The following FRMPD4 variants were observed in gnomAD, a reference collection of about 807,000 sequenced individuals.
The protein encoded by FRMPD4 is FERM and PDZ domain containing 4.
A neutral mutation model predicts 94.1 loss-of-function variants in FRMPD4; 22 were observed. That is an observed-to-expected ratio of 0.23 (90% confidence interval 0.17 to 0.33). FRMPD4 has a LOEUF of 0.33. FRMPD4 is among the 10% of genes least tolerant of loss of function. The probability of loss-of-function intolerance (pLI) is 1.00; values close to 1 mark genes in which losing one functional copy is unlikely to be tolerated. For missense variants in FRMPD4, 1,111 were observed against 1,339.9 expected (o/e 0.83, Z 2.67); for synonymous variants, 631 against 548.6 (o/e 1.15, Z -2.10).
chrX:12,101,525 C>G (rs1436777278), intron 3 of FRMPD4, among the ~76,000 whole-genome samples: 2 of 111,734 alleles, frequency 1.8e-5, no homozygotes, highest in Admixed American at 1.9e-4. Context: ...GCCTTTATTT[C>G]TCTAAAATAA....
intron 1 of FRMPD4, among the ~76,000 whole-genome samples, chrX:12,230,393 A>G (rs1417652838): frequency 9.0e-6 from 1 of 111,719 alleles, no homozygotes; most frequent in African/African-American, 3.3e-5. Flanking sequence ...CCAAATTGAT[A>G]GAGACTGCCT....
intron 3 of FRMPD4, among the ~76,000 whole-genome samples, chrX:12,041,935 T>A (rs181138257): frequency 1.8e-5 from 2 of 112,176 alleles, no homozygotes; most frequent in East Asian, 5.6e-4. Context: ...CTTGTGAATT[T>A]TGCATTTTGC....
At chrX:12,151,847 A>G (rs2055855690) in intron 1 of FRMPD4, among the ~76,000 whole-genome samples, 1 of 112,034 alleles carries the variant, frequency 8.9e-6, no homozygotes, top group Non-Finnish European at 1.9e-5. Context: ...TTGGATAACA[A>G]TGTGATGAAT....
Position 11,930,107 on chromosome X carries a change from C to CAAAAAAAAAAAAAAAAAA in FRMPD4, c.95+52099_95+52116dup, listed in dbSNP as rs55973946. ...TGGGCAACAGAGTGAGACTCTGTCTCAAAAAAAAAAAAAAAAAAAAAAAAA... is the reference window on the plus strand; with the variant it reads ...TGGGCAACAGAGTGAGACTCTGTCTCAAAAAAAAAAAAAAAAAAAAAAAAAAAAAAAAAAAAAAAAAAA... On this transcript the variant is annotated intron_variant, in intron 3 of 18. Transcript: ENST00000640291. Among the ~76,000 whole-genome samples, 5 of 13,257 alleles carry CAAAAAAAAAAAAAAAAAA rather than the reference C, an allele frequency of 3.8e-4. 2 individuals carry two copies. Among genetic ancestry groups the CAAAAAAAAAAAAAAAAAA allele is most frequent in the Non-Finnish European group, 6.5e-4 (5 of 7,639 alleles). 11.5% of individuals were successfully genotyped at this position (13,257 alleles called of 115,157 possible).
chrX:12,336,362 C>G (rs1601832467), intron 1 of FRMPD4, among the ~76,000 whole-genome samples: 1 of 111,975 alleles, frequency 8.9e-6, no homozygotes, highest in East Asian at 2.8e-4. Flanking sequence ...CCTTGCCAAA[C>G]CTCATCTTGG....
In FRMPD4 at chrX:12,698,739, G is replaced by C. The variant is rs138134478; in HGVS notation, c.934-3135G>C. Among the ~76,000 whole-genome samples, 649 of 110,942 alleles carry C rather than the reference G, an allele frequency of 5.8e-3. 15 individuals are homozygous for C. Among genetic ancestry groups the C allele is most frequent in the Admixed American group, 0.055 (574 of 10,407 alleles). On this transcript the variant is annotated intron_variant, in intron 9 of 16. Coordinates refer to ENST00000675598, the MANE Select transcript of FRMPD4 (RefSeq NM_001368397.1). ...CATCCAGAAGCCTAGTTAAATACAGGGTAAAGCAGTGATGGGAAATATGGT... is the reference window on the plus strand; with the variant it reads ...CATCCAGAAGCCTAGTTAAATACAGCGTAAAGCAGTGATGGGAAATATGGT...
intron 1 of FRMPD4, among the ~76,000 whole-genome samples, chrX:12,303,205 T>C (rs887410892): frequency 8.9e-6 from 1 of 112,046 alleles, no homozygotes; most frequent in African/African-American, 3.2e-5. Context: ...ATGCTAACAG[T>C]TAAATGTTTA....
In FRMPD4 at chrX:12,599,306, T is replaced by TA. The variant is rs58459190; in HGVS notation, c.159-10405dup. ...GTTCAAAAATGTATTTTCCTGCAGG[T>TA]AAAAAAAAAACATATGAGTAATCAA... is the stretch of plus-strand genomic sequence containing the variant. On this transcript the variant is annotated intron_variant, in intron 2 of 16. Coordinates refer to ENST00000675598, the MANE Select transcript of FRMPD4 (RefSeq NM_001368397.1). Among the ~76,000 whole-genome samples, 987 of 106,001 alleles carry TA rather than the reference T, an allele frequency of 9.3e-3. 9 individuals are homozygous for TA. The highest frequency in any genetic ancestry group is 0.028 in the African/African-American group (811 of 29,063). The allele number at this position is 106,001 out of a possible 115,157, so 92.0% of individuals were successfully genotyped here.
chrX:12,412,131 C>T (rs1289972947), intron 1 of FRMPD4, among the ~76,000 whole-genome samples: 3 of 112,093 alleles, frequency 2.7e-5, no homozygotes, highest in African/African-American at 9.7e-5. Context: ...TTGCTCTTAC[C>T]ATTATGTGTG....
Position 12,222,716 on chromosome X carries a change from T to C in FRMPD4, c.41+83704T>C, listed in dbSNP as rs752408795. On this transcript the variant is annotated intron_variant, in intron 1 of 16. Coordinates refer to ENST00000675598, the MANE Select transcript of FRMPD4 (RefSeq NM_001368397.1). ...TTTCTGTCTTTATAATTTTGTTTTGTCTAGAAATTTCTTATAAATGGAATA... is the reference window on the plus strand; with the variant it reads ...TTTCTGTCTTTATAATTTTGTTTTGCCTAGAAATTTCTTATAAATGGAATA... 2.7e-5 allele frequency among the ~76,000 whole-genome samples: 3 copies of C among 112,515 alleles called. No individual in the cohort carries two copies. The East Asian group carries it at 8.3e-4, about 31-fold the overall frequency.
At position 12,645,321 on chromosome X, in the gene FRMPD4, A is replaced by C. The variant is rs191624332; in HGVS notation, c.423-29542A>C. 2.6e-3 allele frequency among the ~76,000 whole-genome samples: 267 copies of C among 101,707 alleles called. 2 individuals carry two copies. The highest frequency in any genetic ancestry group is 9.1e-3 in the African/African-American group (250 of 27,545). 88.3% of individuals were successfully genotyped at this position (101,707 alleles called of 115,157 possible). A position where few individuals can be genotyped will look rare whatever the true frequency, so the allele number is the denominator to read the frequency against. ...TCATGCATAGTATCTCATACTATGC[A>C]TCAGGTAGTTTTTAACACTCTCACT... On this transcript the variant is annotated intron_variant, in intron 4 of 16. Transcript: ENST00000675598.
chrX:11,987,098 T>TAAAAAAAAAAAAAAAAAAA (rs35377550), intron 3 of FRMPD4, among the ~76,000 whole-genome samples: 2 of 21,843 alleles, frequency 9.2e-5, no homozygotes, highest in African/African-American at 3.2e-4. Context: ...AAAGACACAT[T>TAAAAAAAAAAAAAAAAAAA]AAAAAAAAAA....
chrX:12,179,321 G>C (rs1031780415), intron 1 of FRMPD4, among the ~76,000 whole-genome samples: 8 of 111,082 alleles, frequency 7.2e-5, no homozygotes, highest in African/African-American at 2.3e-4. Context: ...AGGTCTCGGG[G>C]TGGGGAAATG....
chrX:12,068,594 T>C (rs2054941111), intron 3 of FRMPD4, among the ~76,000 whole-genome samples: 1 of 111,916 alleles, frequency 8.9e-6, no homozygotes, highest in African/African-American at 3.3e-5. Context: ...GTATGCAGTA[T>C]GACAGAGTAT....
intron 3 of FRMPD4, among the ~76,000 whole-genome samples, chrX:11,934,344 AG>A (rs2054138877): frequency 8.9e-6 from 1 of 111,978 alleles, no homozygotes; most frequent in Non-Finnish European, 1.9e-5. Context: ...TATGGCTGGA[AG>A]GAACACTTGA....
intron 14 of FRMPD4, among the ~76,000 whole-genome samples, chrX:12,715,710 G>A (rs1300259068): frequency 8.9e-6 from 1 of 112,106 alleles, no homozygotes; most frequent in Non-Finnish European, 1.9e-5. Flanking sequence ...ACCTTTAAGG[G>A]TAAAAGACAT....
chrX:12,002,812 T>C (rs2054530992), intron 3 of FRMPD4, among the ~76,000 whole-genome samples: 1 of 111,728 alleles, frequency 9.0e-6, no homozygotes, highest in African/African-American at 3.3e-5. Context: ...GAATATTGCA[T>C]GCTTAAGCTT....
chrX:12,187,640 CAG>C (rs1364944856), intron 1 of FRMPD4, among the ~76,000 whole-genome samples: 1 of 110,697 alleles, frequency 9.0e-6, no homozygotes, highest in African/African-American at 3.3e-5. Flanking sequence ...TAGAATGTGT[CAG>C]AATCTATTAC....
At chrX:12,309,006 T>C (rs1334835355) in intron 1 of FRMPD4, among the ~76,000 whole-genome samples, 1 of 112,618 alleles carries the variant, frequency 8.9e-6, no homozygotes, top group African/African-American at 3.2e-5. Flanking sequence ...GGATTTCTTC[T>C]AGAGTAAACT....
Sources: allele counts gnomAD v4.1 joint callset (sites outside exome capture counted in the v4.1 genomes callset), GRCh38; gene constraint gnomAD v4.1.1; transcripts MANE v1.5; gene names NCBI Gene and HGNC (gene_info 2026-07-23, HGNC 2026-07-21).